MESD: variants seen among roughly 807,000 people sequenced by gnomAD.
MESD encodes the protein LRP chaperone MESD.
In MESD, 7 loss-of-function variants were observed where a neutral mutation model predicts 12.9. The observed-to-expected ratio is 0.54, with a 90% CI of 0.31 to 1.02. The LOEUF (loss-of-function observed/expected upper bound fraction) is 1.02. Ranked by LOEUF, MESD falls within the 50% of genes least tolerant of loss-of-function variation. The pLI is 0.05. For missense variants in MESD, 342 were observed against 296.7 expected, an observed-to-expected ratio of 1.15 and a Z score of -1.12; for synonymous variants, 126 against 115.6, an observed-to-expected ratio of 1.09 and a Z score of -0.58.
chr15:80,969,622 AG>A (rs943409538), intron 3 of MESD, among the ~76,000 whole-genome samples: 9 of 152,238 alleles, frequency 5.9e-5, no homozygotes, highest in African/African-American at 1.9e-4. Context: ...TGGGAGGTCG[AG>A]GCAGGCGGAT....
intron 3 of MESD, among the ~76,000 whole-genome samples, chr15:80,958,371 C>A (rs1486970284): frequency 6.6e-6 from 1 of 152,142 alleles, no homozygotes; most frequent in Non-Finnish European, 1.5e-5. Flanking sequence ...CACTCTGTCA[C>A]CCAGGCTGAA....
chr15:80,957,631 G>A (rs1902011832), intron 3 of MESD, among the ~76,000 whole-genome samples: 1 of 151,292 alleles, frequency 6.6e-6, no homozygotes, highest in Non-Finnish European at 1.5e-5. Context: ...CACGAAATTG[G>A]CTCATGCAAT....
At chr15:80,980,724 CCAG>C (rs1902551216) in intron 2 of MESD, among the ~76,000 whole-genome samples, 1 of 151,986 alleles carries the variant, frequency 6.6e-6, no homozygotes, top group Non-Finnish European at 1.5e-5. Flanking sequence ...TCACTTGAGG[CCAG>C]CAGTTCAAGA....
At chr15:80,981,826 G>A (rs1902587310) in intron 2 of MESD, 124 bp downstream of exon 2, 1 of 733,638 alleles carries the variant, frequency 1.4e-6, no homozygotes, top group South Asian at 1.9e-5. Context: ...CTGCACTCCA[G>A]CCTAGGCAAC....
chr15:80,982,236 C>G, intron 1 of MESD, 54 bp from the exon 2 acceptor site: 1 of 1,462,820 alleles, frequency 6.8e-7, no homozygotes, highest in Admixed American at 1.8e-5. Context: ...TGCTTTTCAA[C>G]TGGCACAGGC....
chr15:80,975,864 G>C lies in MESD; in HGVS notation c.*3355C>G, dbSNP rs967132438. The C allele has an allele frequency of 6.6e-6, 1 of 152,182 alleles. No individual in the cohort carries two copies. Among genetic ancestry groups the C allele is most frequent in the Non-Finnish European group, 1.5e-5 (1 of 68,028 alleles). The allele number at this position is 152,182 out of a possible 1,614,324, so 9.4% of individuals were successfully genotyped here. The stretch of plus-strand genomic sequence containing the variant: ...CAGGACATTTCTCCCAGCTATTTGG[G>C]AGGCTGTGGTGGGAAGATCAATTGA... On this transcript the variant is annotated 3_prime_UTR_variant, in exon 3 of 3. Transcript: ENST00000261758.
chr15:80,983,095 T>C (rs573948888), intron 1 of MESD, among the ~76,000 whole-genome samples: 1 of 151,776 alleles, frequency 6.6e-6, no homozygotes, highest in Admixed American at 6.6e-5. Context: ...ATTTAAAAAT[T>C]AGTCAGGTGT....
At position 80,979,260 on chromosome 15, in the gene MESD, T is replaced by G. The variant is rs751535827; in HGVS notation, c.664A>C (p.Lys222Gln). Reference protein sequence around the residue: ...KEGDLKSRSSKEENRAGNKRE... With the variant: ...KEGDLKSRSSQEENRAGNKRE... ...TTATTCCCAGCTCGATTTTCTTCCT[T>G]GGAAGACCGAGATTTCAGATCTCCT... is the stretch of plus-strand genomic sequence containing the variant. Residue 222 changes from lysine (K) to glutamine (Q), a missense_variant, in exon 3 of 3, where the codon AAG (lysine) becomes CAG (glutamine). Physicochemically the swap from Lys to Gln is moderately conservative, Grantham distance 53. Transcript: ENST00000261758. 3 of 1,613,872 alleles carry G rather than the reference T, an allele frequency of 1.9e-6. No homozygotes were observed. The highest frequency in any genetic ancestry group is 2.7e-5 in the African/African-American group (2 of 74,882).
rs1297959457 is a variant in MESD at position 80,979,304 on chromosome 15, T to C, written c.620A>G (p.Lys207Arg). The stretch of plus-strand genomic sequence containing the variant: ...ATCTCCTTCCTTCTTTTTTTTGCCC[T>C]TGTCTTGCTTTGTTTTATTTTTCTC... Reference protein sequence around the residue: ...SKEKNKTKQDKGKKKKEGDLK... With the variant: ...SKEKNKTKQDRGKKKKEGDLK... Residue 207 changes from lysine (K) to arginine (R), a missense_variant, in exon 3 of 3, where the codon AAG (lysine) becomes AGG (arginine). Transcript: ENST00000261758. 6.2e-7 allele frequency: 1 copy of C among 1,613,974 alleles called. No homozygotes were observed. The highest frequency in any genetic ancestry group is 8.5e-7 in the Non-Finnish European group (1 of 1,180,046).
exon 5 of MESD, chr15:80,948,651 A>C: frequency 9.3e-7 from 1 of 1,070,338 alleles, no homozygotes; most frequent in South Asian, 1.3e-5. Flanking sequence ...AGCTGAGCAC[A>C]GAGCTCTTCC....
intron 1 of MESD, among the ~76,000 whole-genome samples, chr15:80,985,993 G>GT (rs1451847383): frequency 6.6e-6 from 1 of 151,828 alleles, no homozygotes; most frequent in African/African-American, 2.4e-5. Context: ...TTAAATAGTC[G>GT]TAAGTCTAGT....
chr15:80,989,201 T>C (rs1480637685), intron 1 of MESD, among the ~76,000 whole-genome samples: 1 of 152,158 alleles, frequency 6.6e-6, no homozygotes, highest in Non-Finnish European at 1.5e-5. Flanking sequence ...TGCTCTTTAG[T>C]AGATTGGGAA....
Position 80,982,166 on chromosome 15 carries a change from T to C in MESD, c.230A>G (p.Glu77Gly), listed in dbSNP as rs763235508. 1 of 1,613,884 alleles carries C rather than the reference T, an allele frequency of 6.2e-7. No homozygotes were observed. Among genetic ancestry groups the C allele is most frequent in the Non-Finnish European group, 8.5e-7 (1 of 1,179,792 alleles). Residue 77 changes from glutamate (E) to glycine (G), a missense_variant, in exon 2 of 3, where the codon GAA becomes GGA. Glu to Gly is a moderately conservative substitution (Grantham distance 98, BLOSUM62 -2). Coordinates refer to ENST00000261758, the MANE Select transcript of MESD (RefSeq NM_015154.3). ...CTTGTGCTCTGGAAGATCTCCTTCT[T>C]CAATGTCATCATCTTTCTATCAGAT... The part of the protein sequence containing the change: ...LEQWEKDDDI[E>G]EGDLPEHKRP...
downstream of MESD, among the ~76,000 whole-genome samples, chr15:80,974,070 C>A (rs552445422): frequency 3.0e-3 from 454 of 152,140 alleles, 3 homozygotes; most frequent in African/African-American, 0.01. Context: ...TTCCCCCCCC[C>A]ACTGGGGAGA....
chr15:80,961,265 A>C (rs1902082235), intron 3 of MESD, among the ~76,000 whole-genome samples: 1 of 151,528 alleles, frequency 6.6e-6, no homozygotes, highest in African/African-American at 2.4e-5. Flanking sequence ...ACAAAGCAGT[A>C]AGGAACAAAA....
Position 80,982,054 on chromosome 15 carries a change from G to A in MESD, c.342C>T (p.Leu114=), listed in dbSNP as rs1902594900. ...ILKMTKKGKT[L]MMFVTVSGSP... ...TTCCTGATACAGTGACAAACATCAT[G>A]AGAGTCTTCCCTTTTTTCGTCATTT... Residue 114 remains leucine (L), a synonymous_variant, in exon 2 of 3, where the codon CTC becomes CTT. Coordinates refer to ENST00000261758, the MANE Select transcript of MESD (RefSeq NM_015154.3). 3 of 1,613,986 alleles carry A rather than the reference G, an allele frequency of 1.9e-6. No homozygotes were observed. The highest frequency in any genetic ancestry group is 2.5e-6 in the Non-Finnish European group (3 of 1,180,006).
At chr15:80,966,434 T>C (rs1902176414) in intron 3 of MESD, among the ~76,000 whole-genome samples, 1 of 152,234 alleles carries the variant, frequency 6.6e-6, no homozygotes, top group Admixed American at 6.5e-5. Context: ...AAACTACTCA[T>C]TTGCAGAGCC....
chr15:80,963,162 A>C (rs1259798450), intron 3 of MESD, among the ~76,000 whole-genome samples: 1 of 152,258 alleles, frequency 6.6e-6, no homozygotes, highest in Non-Finnish European at 1.5e-5. Context: ...CACCAATTCC[A>C]CAGAAATACA....
downstream of MESD, chr15:80,947,048 G>A (rs1901587346): frequency 1.9e-6 from 3 of 1,613,260 alleles, no homozygotes; most frequent in East Asian, 6.7e-5. Context: ...GGGGCAGACA[G>A]GGGTCTCAAG....
Sources: allele counts gnomAD v4.1 joint callset (sites outside exome capture counted in the v4.1 genomes callset), GRCh38; gene constraint gnomAD v4.1.1; transcripts MANE v1.5; gene names NCBI Gene and HGNC (gene_info 2026-07-23, HGNC 2026-07-21).